Variants in RUSF1 observed in about 807,000 individuals in gnomAD.
RUSF1 encodes the protein RUS1 family protein C16orf58.
A neutral mutation model predicts 63.0 loss-of-function variants in RUSF1; 58 were observed. The ratio of observed to expected loss-of-function variants is 0.92; its 90% CI spans 0.75 to 1.15. The LOEUF is 1.15. Ranked by LOEUF, RUSF1 falls within the 50% of genes most tolerant of loss-of-function variation. The probability of loss-of-function intolerance (pLI) is 0.00; values close to 1 mark genes in which losing one functional copy is unlikely to be tolerated. For synonymous variants in RUSF1, 274 were observed against 255.8 expected (o/e 1.07, Z -0.68); for missense variants, 652 against 611.0 (o/e 1.07, Z -0.71).
At chr16:31,496,822 C>T (rs775755870) in intron 6 of RUSF1, 27 bp downstream of exon 6, 351 of 1,528,364 alleles carry the variant, frequency 2.3e-4, no homozygotes, top group Non-Finnish European at 2.8e-4. Context: ...CCCCACTCCA[C>T]GCCCTCCCTC....
intron 6 of RUSF1, among the ~76,000 whole-genome samples, chr16:31,496,382 G>C (rs1306729836): frequency 6.6e-6 from 1 of 152,214 alleles, no homozygotes; most frequent in Non-Finnish European, 1.5e-5. Flanking sequence ...ACTCAGCACG[G>C]GGTTTGTAGA....
intron 2 of RUSF1, among the ~76,000 whole-genome samples, chr16:31,505,995 G>T (rs1295777208): frequency 6.6e-6 from 1 of 152,178 alleles, no homozygotes; most frequent in African/African-American, 2.4e-5. Flanking sequence ...TAGTTACCCT[G>T]AACACACAAT....
intron 6 of RUSF1, among the ~76,000 whole-genome samples, chr16:31,495,715 C>T (rs371617938): frequency 2.0e-5 from 3 of 151,922 alleles, no homozygotes; most frequent in East Asian, 1.9e-4. Context: ...GGAATAAGCC[C>T]GAGCATCCTG....
chr16:31,502,532 C>A (rs928394479), intron 2 of RUSF1, among the ~76,000 whole-genome samples: 2 of 152,232 alleles, frequency 1.3e-5, no homozygotes, highest in South Asian at 2.1e-4. Context: ...TTTCCAGCTT[C>A]TCTGGAAGAA....
At chr16:31,497,811 G>A (rs1330628176) in intron 5 of RUSF1, among the ~76,000 whole-genome samples, 6 of 152,238 alleles carry the variant, frequency 3.9e-5, no homozygotes, top group African/African-American at 9.6e-5. Context: ...AAGTGAGGGC[G>A]AAGTGGCTGG....
intron 2 of RUSF1, among the ~76,000 whole-genome samples, chr16:31,503,138 C>G (rs1208699694): frequency 2.6e-5 from 4 of 152,160 alleles, no homozygotes; most frequent in African/African-American, 9.7e-5. Context: ...TTTTCCTCTT[C>G]ATTTACAACT....
rs555779177 is a variant in RUSF1, at chr16:31,496,963, G to A, written c.601-13C>T. ...CACTCACGATGCACTGGGTGGGAGG[G>A]GAAGAGAGAAGGTTGGCAGAGACAC... is the stretch of plus-strand genomic sequence containing the variant. On this transcript the variant is annotated splice_polypyrimidine_tract_variant and intron_variant, in intron 5 of 12. Coordinates refer to ENST00000327237, the MANE Select transcript of RUSF1 (RefSeq NM_022744.4). The A allele has an allele frequency of 5.4e-5, 85 of 1,588,338 alleles. No homozygotes were observed. Among genetic ancestry groups the A allele is most frequent in the Admixed American group, 1.2e-4 (7 of 56,790 alleles).
rs2082559673 is a variant in RUSF1 at position 31,490,721 on chromosome 16, C to T, written c.*114G>A. On this transcript the variant is annotated 3_prime_UTR_variant, in exon 13 of 13. Transcript: ENST00000327237. The stretch of plus-strand genomic sequence containing the variant: ...AGTCACTTCCCATGAGGGCCTGGCC[C>T]ACCCGCTGCAGTTGCCCTAAGGAAA... 7.8e-7 allele frequency: 1 copy of T among 1,273,890 alleles called. No homozygotes were observed. The highest frequency in any genetic ancestry group is 1.1e-6 in the Non-Finnish European group (1 of 883,172). 78.9% of individuals were successfully genotyped at this position (1,273,890 alleles called of 1,614,324 possible).
At chr16:31,496,546 G>A (rs1298117841) in intron 6 of RUSF1, among the ~76,000 whole-genome samples, 2 of 152,202 alleles carry the variant, frequency 1.3e-5, no homozygotes, top group Non-Finnish European at 2.9e-5. Context: ...GGGTAACTCT[G>A]ACTTGCCAAT....
rs773747322 is a variant in RUSF1 at position 31,493,711 on chromosome 16, T to C, written c.850A>G (p.Met284Val). Residue 284 changes from methionine (M) to valine (V), a missense_variant, in exon 8 of 13, where the codon ATG becomes GTG. Physicochemically the swap from Met to Val is conservative, Grantham distance 21 (BLOSUM62 1). Coordinates refer to ENST00000327237, the MANE Select transcript of RUSF1 (RefSeq NM_022744.4). ...AGCCGGCCTTCGTTCAAGGTCTCCA[T>C]GACCAGGGCTCGGACCGCGCGGTAG... The part of the protein sequence containing the change: ...ANYRAVRALV[M>V]ETLNEGRLRL... The C allele has an allele frequency of 1.9e-6, 3 of 1,614,194 alleles. No homozygotes were observed. The highest frequency in any genetic ancestry group is 4.5e-5 in the East Asian group (2 of 44,886).
intron 12 of RUSF1, 75 bp from the exon 13 acceptor site, chr16:31,491,007 T>C: frequency 7.1e-7 from 1 of 1,411,590 alleles, no homozygotes; most frequent in Non-Finnish European, 1.0e-6. Context: ...GGGTGCAGGC[T>C]TTGTGCACTA....
At chr16:31,506,331 A>G (rs1490346795) in intron 2 of RUSF1, among the ~76,000 whole-genome samples, 1 of 152,250 alleles carries the variant, frequency 6.6e-6, no homozygotes, top group Non-Finnish European at 1.5e-5. Context: ...CATTATATAC[A>G]TGAAGATATT....
At chr16:31,494,174 C>T (rs1387342568) in intron 6 of RUSF1, among the ~76,000 whole-genome samples, 1 of 152,092 alleles carries the variant, frequency 6.6e-6, no homozygotes, top group Admixed American at 6.5e-5. Flanking sequence ...CACTTGAGTC[C>T]AGGAGCTTGA....
chr16:31,499,031 G>A (rs2082618574), intron 5 of RUSF1, among the ~76,000 whole-genome samples: 1 of 152,198 alleles, frequency 6.6e-6, no homozygotes, highest in South Asian at 2.1e-4. Context: ...AAGGAAGCTG[G>A]TCCCAAAATG....
chr16:31,489,961 TG>T lies in RUSF1; in HGVS notation c.*873del, dbSNP rs1371349139. 1.6e-5 allele frequency: 17 copies of T among 1,067,254 alleles called. No individual in the cohort carries two copies. The highest frequency in any genetic ancestry group is 9.8e-6 in the Non-Finnish European group (7 of 711,400). The allele number at this position is 1,067,254 out of a possible 1,614,324, so 66.1% of individuals were successfully genotyped here. A position where few individuals can be genotyped will look rare whatever the true frequency, so the allele number is the denominator to read the frequency against. ...ACAGGGCAGCCATGTAGGGTGGAGT[TG>T]GCATGAGTTAAGCCTGGGCTGGGTG... is the stretch of plus-strand genomic sequence containing the variant. On this transcript the variant is annotated 3_prime_UTR_variant, in exon 13 of 13. Transcript: ENST00000327237.
chr16:31,504,673 A>G (rs2082649404), intron 2 of RUSF1, among the ~76,000 whole-genome samples: 1 of 152,238 alleles, frequency 6.6e-6, no homozygotes, highest in African/African-American at 2.4e-5. Flanking sequence ...GAAACAGCCG[A>G]TGGTGAAATA....
intron 5 of RUSF1, among the ~76,000 whole-genome samples, chr16:31,498,245 C>T (rs2082614425): frequency 6.6e-6 from 1 of 152,042 alleles, no homozygotes; most frequent in Non-Finnish European, 1.5e-5. Flanking sequence ...CTGTTCCATT[C>T]CCTTGTTGGA....
intron 2 of RUSF1, 124 bp from the exon 3 acceptor site, chr16:31,500,855 T>C: frequency 9.7e-7 from 1 of 1,032,430 alleles, no homozygotes; most frequent in African/African-American, 1.6e-5. Context: ...GGTCTGGTAC[T>C]AGAAGTTGTG....
At chr16:31,492,828 T>C (rs1002552521) in intron 10 of RUSF1, 150 bp downstream of exon 10, 7 of 685,584 alleles carry the variant, frequency 1.0e-5, no homozygotes, top group African/African-American at 1.8e-5. Flanking sequence ...TGAATTTCAC[T>C]GGGGCATTGC....
Sources: allele counts gnomAD v4.1 joint callset (sites outside exome capture counted in the v4.1 genomes callset), GRCh38; gene constraint gnomAD v4.1.1; transcripts MANE v1.5; gene names NCBI Gene and HGNC (gene_info 2026-07-23, HGNC 2026-07-21).